MARCO: variants seen among roughly 807,000 people sequenced by gnomAD.
The protein encoded by MARCO is macrophage receptor MARCO.
Under a neutral mutation model 70.0 loss-of-function variants are expected in MARCO, and 72 were observed. That is an observed-to-expected ratio of 1.03 (90% CI 0.85 to 1.25). MARCO has a LOEUF of 1.25. MARCO is among the 50% of genes most tolerant of loss of function. MARCO has a pLI of 0.00. For synonymous variants in MARCO, 273 were observed against 243.1 expected (o/e 1.12, Z -1.14); for missense variants, 696 against 659.3 (o/e 1.06, Z -0.61).
intron 10 of MARCO, 126 bp from the exon 11 acceptor site, chr2:118,982,030 C>A: frequency 1.6e-6 from 1 of 639,506 alleles, no homozygotes; most frequent in Non-Finnish European, 2.7e-6. Context: ...GGTGTTAAAG[C>A]TGCCAAGAGG....
chr2:118,962,299 T>C (rs1484823370), intron 1 of MARCO, among the ~76,000 whole-genome samples: 1 of 152,206 alleles, frequency 6.6e-6, no homozygotes, highest in East Asian at 1.9e-4. Context: ...ATCTATAAAT[T>C]ACTTTGGGCA....
intron 15 of MARCO, among the ~76,000 whole-genome samples, chr2:118,992,864 A>T (rs1680648038): frequency 6.6e-6 from 1 of 150,868 alleles, no homozygotes; most frequent in African/African-American, 2.4e-5. Flanking sequence ...ACATGACAAG[A>T]CGTGGTGTAT....
At chr2:118,976,483 C>T (rs1335507354) in intron 6 of MARCO, among the ~76,000 whole-genome samples, 1 of 152,072 alleles carries the variant, frequency 6.6e-6, no homozygotes. Flanking sequence ...CCTCAATTTC[C>T]CCTCATAGTC....
rs1680504777 is a variant in MARCO, at chr2:118,986,666, AAG to A, written c.1064-3922_1064-3921del. 1.7e-4 allele frequency among the ~76,000 whole-genome samples: 9 copies of A among 53,466 alleles called. 1 individual carries two copies. Among genetic ancestry groups the A allele is most frequent in the African/African-American group, 7.6e-4 (7 of 9,262 alleles). 35.1% of individuals were successfully genotyped at this position (53,466 alleles called of 152,430 possible). On this transcript the variant is annotated intron_variant, in intron 12 of 16. Coordinates refer to ENST00000327097, the MANE Select transcript of MARCO (RefSeq NM_006770.4). ...GAAAGAAAGAAAGAAGGAAGGAAGG[AAG>A]GAAGGAAAGAAAGAAAGAAAGAAAG...
chr2:118,968,704 A>G (rs998893080), intron 1 of MARCO, among the ~76,000 whole-genome samples: 4 of 152,212 alleles, frequency 2.6e-5, no homozygotes, highest in Admixed American at 1.3e-4. Flanking sequence ...TGAATTCCAG[A>G]TCTGCTTCTT....
chr2:118,982,056 G>A (rs1412427064), intron 10 of MARCO, 100 bp from the exon 11 acceptor site: 6 of 750,016 alleles, frequency 8.0e-6, no homozygotes, highest in Admixed American at 2.4e-5. Flanking sequence ...AAGGTGTTAA[G>A]AGGTACATGT....
intron 1 of MARCO, among the ~76,000 whole-genome samples, chr2:118,950,300 G>A (rs1222768364): frequency 6.6e-6 from 1 of 152,120 alleles, no homozygotes; most frequent in Non-Finnish European, 1.5e-5. Flanking sequence ...TTGTTAAAGA[G>A]CAGGTTAGTG....
intron 12 of MARCO, among the ~76,000 whole-genome samples, chr2:118,989,133 C>G (rs180983863): frequency 6.6e-6 from 1 of 152,094 alleles, no homozygotes; most frequent in Non-Finnish European, 1.5e-5. Context: ...TTGTCTTGGG[C>G]GAGGGAGAGA....
chr2:118,949,181 G>A (rs1421413282), intron 1 of MARCO: 1 of 152,274 alleles, frequency 6.6e-6, no homozygotes, highest in East Asian at 1.9e-4. Context: ...TATTCCAGGG[G>A]GTGGAATCTT....
At chr2:118,973,011 GTCTC>G (rs1680202932) in intron 4 of MARCO, among the ~76,000 whole-genome samples, 1 of 152,004 alleles carries the variant, frequency 6.6e-6, no homozygotes, top group African/African-American at 2.4e-5. Context: ...CTCTCTCCAT[GTCTC>G]TCTCTCTGTC....
chr2:118,962,729 A>C (rs1351578746), intron 1 of MARCO, among the ~76,000 whole-genome samples: 5 of 152,126 alleles, frequency 3.3e-5, no homozygotes, highest in African/African-American at 4.8e-5. Flanking sequence ...TGGTAAAACT[A>C]TCTGGGCCTG....
intron 7 of MARCO, 60 bp downstream of exon 7, chr2:118,977,575 T>TAC: frequency 7.0e-7 from 1 of 1,432,666 alleles, no homozygotes; most frequent in Non-Finnish European, 9.8e-7. Flanking sequence ...CTGAGGCAGT[T>TAC]CCCCCCCACC....
At chr2:118,981,267 A>G (rs1207259344) in intron 8 of MARCO, 142 bp from the exon 9 acceptor site, 2 of 654,294 alleles carry the variant, frequency 3.1e-6, no homozygotes, top group East Asian at 2.8e-5. Flanking sequence ...GGCAGCGGTC[A>G]TATCTTCCAC....
In MARCO at chr2:118,969,680, G is replaced by A. The variant is rs1257723006; in HGVS notation, c.199+419G>A. ...GGTTAAAGTCATGAAGTCGTTCCAT[G>A]AGCAGACACTGAAGTCACTCAAGAA... is the stretch of plus-strand genomic sequence containing the variant. On this transcript the variant is annotated intron_variant, in intron 2 of 16. Coordinates refer to ENST00000327097, the MANE Select transcript of MARCO (RefSeq NM_006770.4). Among the ~76,000 whole-genome samples, 8 of 152,210 alleles carry A rather than the reference G, an allele frequency of 5.3e-5. No homozygotes were observed. In the East Asian group the frequency reaches 1.5e-3, roughly 29 times the overall value.
chr2:118,959,873 C>T (rs548961803), intron 1 of MARCO, among the ~76,000 whole-genome samples: 111 of 152,164 alleles, frequency 7.3e-4, no homozygotes, highest in African/African-American at 2.5e-3. Flanking sequence ...GAATGGAAAA[C>T]GAAACATCAT....
intron 1 of MARCO, among the ~76,000 whole-genome samples, chr2:118,948,502 G>A (rs934463638): frequency 6.6e-6 from 1 of 152,212 alleles, no homozygotes; most frequent in Non-Finnish European, 1.5e-5. Flanking sequence ...AGTTACATAG[G>A]CTAGGGCTTA....
intron 13 of MARCO, 81 bp downstream of exon 13, chr2:118,990,714 T>C (rs1203828616): frequency 7.3e-7 from 1 of 1,363,232 alleles, no homozygotes; most frequent in South Asian, 1.2e-5. Context: ...CTTGTTGACA[T>C]TGAATGCACA....
chr2:118,964,075 G>T (rs911194107), intron 1 of MARCO, among the ~76,000 whole-genome samples: 1 of 151,982 alleles, frequency 6.6e-6, no homozygotes, highest in Non-Finnish European at 1.5e-5. Flanking sequence ...TCGCAGCCTG[G>T]CTATTGCAAT....
At chr2:118,966,520 T>A (rs1214661526) in intron 1 of MARCO, among the ~76,000 whole-genome samples, 1 of 152,190 alleles carries the variant, frequency 6.6e-6, no homozygotes, top group Non-Finnish European at 1.5e-5. Context: ...CATTCCCAGT[T>A]TCTAAAATAC....
Sources: allele counts gnomAD v4.1 joint callset (sites outside exome capture counted in the v4.1 genomes callset), GRCh38; gene constraint gnomAD v4.1.1; transcripts MANE v1.5; gene names NCBI Gene and HGNC (gene_info 2026-07-23, HGNC 2026-07-21).